The following GM2A variants were observed in gnomAD, a reference collection of about 807,000 sequenced individuals.
GM2A encodes the protein ganglioside GM2 activator.
In GM2A, 7 loss-of-function variants were observed where a neutral mutation model predicts 12.9. That is an observed-to-expected ratio of 0.54 (90% CI 0.31 to 1.02). GM2A has a LOEUF of 1.02. GM2A is among the 50% of genes least tolerant of loss of function. The pLI, the probability that GM2A is intolerant of heterozygous loss-of-function variation, is 0.05. For missense variants in GM2A, 246 were observed against 241.0 expected, an observed-to-expected ratio of 1.02 and a Z score of -0.14; for synonymous variants, 101 against 96.0, an observed-to-expected ratio of 1.05 and a Z score of -0.30.
At position 151,270,094 on chromosome 5, in the gene GM2A, G is replaced by A. The variant is rs114108271; in HGVS notation, c.*2643G>A. 3.2e-5 allele frequency: 39 copies of A among 1,231,100 alleles called. No individual in the cohort carries two copies. The highest frequency in any genetic ancestry group is 3.1e-4 in the Middle Eastern group (1 of 3,208). 76.3% of individuals were successfully genotyped at this position (1,231,100 alleles called of 1,614,324 possible). On this transcript the variant is annotated 3_prime_UTR_variant, in exon 4 of 4. Coordinates refer to ENST00000357164, the MANE Select transcript of GM2A (RefSeq NM_000405.5). ...GCTCTGCTCTTGGGTCATATGTTCC[G>A]TGAGGTTTCTTAGGGGTGGGGGATG...
intron 2 of GM2A, 22 bp from the exon 3 acceptor site, chr5:151,266,709 T>G: frequency 4.4e-6 from 7 of 1,599,074 alleles, no homozygotes; most frequent in Non-Finnish European, 6.0e-6. Context: ...TTTCAAACCT[T>G]TGTTTTATTT....
At position 151,269,804 on chromosome 5, in the gene GM2A, G is replaced by T. The variant is rs532444060; in HGVS notation, c.*2353G>T. The T allele has an allele frequency of 3.5e-5, 7 of 200,946 alleles. No homozygotes were observed. In the South Asian group the frequency reaches 1.3e-3, roughly 36 times the overall value. The allele number at this position is 200,946 out of a possible 1,614,324, so 12.4% of individuals were successfully genotyped here. On this transcript the variant is annotated 3_prime_UTR_variant, in exon 4 of 4. Coordinates refer to ENST00000357164, the MANE Select transcript of GM2A (RefSeq NM_000405.5). ...GGAAAAATCCACCGTGGTACATTCA[G>T]TCCTCTCACCGAGGTGCCCCATGGC...
At position 151,270,094 on chromosome 5, in the gene GM2A, G is replaced by T. The variant is rs114108271; in HGVS notation, c.*2643G>T. On this transcript the variant is annotated 3_prime_UTR_variant, in exon 4 of 4. Transcript: ENST00000357164. ...GCTCTGCTCTTGGGTCATATGTTCC[G>T]TGAGGTTTCTTAGGGGTGGGGGATG... The T allele has an allele frequency of 0.022, 27,611 of 1,231,030 alleles. 370 individuals carry two copies. The highest frequency in any genetic ancestry group is 0.026 in the Non-Finnish European group (25,447 of 987,824). 76.3% of individuals were successfully genotyped at this position (1,231,030 alleles called of 1,614,324 possible).
chr5:151,262,601 T>C (rs1753817066), intron 2 of GM2A, among the ~76,000 whole-genome samples: 1 of 152,218 alleles, frequency 6.6e-6, no homozygotes, highest in Admixed American at 6.5e-5. Context: ...ACCAAGCCTT[T>C]TCCTAGCAGA....
chr5:151,262,819 A>C (rs1489807276), intron 2 of GM2A, among the ~76,000 whole-genome samples: 1 of 152,132 alleles, frequency 6.6e-6, no homozygotes, highest in African/African-American at 2.4e-5. Context: ...CTCTGCTGCC[A>C]TCACCATGCA....
chr5:151,266,529 T>G (rs1489972125), intron 2 of GM2A, among the ~76,000 whole-genome samples: 2 of 152,002 alleles, frequency 1.3e-5, no homozygotes, highest in Non-Finnish European at 2.9e-5. Flanking sequence ...ATGTCTGCCA[T>G]GGGCACAATA....
chr5:151,270,358 G>A lies in GM2A; in HGVS notation c.*2907G>A. The stretch of plus-strand genomic sequence containing the variant: ...AAAATATTGACACATTTGACTACAT[G>A]AAGATAATAAAAATGCTTAGTAAAA... On this transcript the variant is annotated 3_prime_UTR_variant, in exon 4 of 4. Coordinates refer to ENST00000357164, the MANE Select transcript of GM2A (RefSeq NM_000405.5). 1 of 398,792 alleles carries A rather than the reference G, an allele frequency of 2.5e-6. No individual in the cohort carries two copies. The highest frequency in any genetic ancestry group is 4.4e-6 in the Non-Finnish European group (1 of 226,246). 24.7% of individuals were successfully genotyped at this position (398,792 alleles called of 1,614,324 possible).
At position 151,267,547 on chromosome 5, in the gene GM2A, C is replaced by T; in HGVS notation, c.*96C>T. 1.3e-6 allele frequency: 2 copies of T among 1,576,104 alleles called. No homozygotes were observed. Among genetic ancestry groups the T allele is most frequent in the Non-Finnish European group, 1.7e-6 (2 of 1,162,808 alleles). ...GGCCAAACTCCCACTCTCTGCCCCCCTTTAATCCCCTTTCTACAGTGAGTC... is the reference window on the plus strand; with the variant it reads ...GGCCAAACTCCCACTCTCTGCCCCCTTTTAATCCCCTTTCTACAGTGAGTC... On this transcript the variant is annotated 3_prime_UTR_variant, in exon 4 of 4. Transcript: ENST00000357164.
chr5:151,259,057 G>A (rs1187702588), intron 1 of GM2A, among the ~76,000 whole-genome samples: 1 of 152,192 alleles, frequency 6.6e-6, no homozygotes, highest in African/African-American at 2.4e-5. Flanking sequence ...GGAGGAACAG[G>A]AGCAGCTCAG....
chr5:151,269,111 G>A lies in GM2A; in HGVS notation c.*1660G>A. ...GCAGGGGTCCAAGGAAGAGAGGGTG[G>A]CCTCGACATCAAACTGCCTGGATTT... On this transcript the variant is annotated 3_prime_UTR_variant, in exon 4 of 4. Coordinates refer to ENST00000357164, the MANE Select transcript of GM2A (RefSeq NM_000405.5). 1 of 985,478 alleles carries A rather than the reference G, an allele frequency of 1.0e-6. No homozygotes were observed. Among genetic ancestry groups the A allele is most frequent in the Middle Eastern group, 5.2e-4 (1 of 1,914 alleles). The allele number at this position is 985,478 out of a possible 1,614,324, so 61.0% of individuals were successfully genotyped here. A position where few individuals can be genotyped will look rare whatever the true frequency, so the allele number is the denominator to read the frequency against.
chr5:151,256,634 C>T (rs1232929623), intron 1 of GM2A, among the ~76,000 whole-genome samples: 1 of 148,854 alleles, frequency 6.7e-6, no homozygotes, highest in Non-Finnish European at 1.5e-5. Context: ...AGAAAAGTTA[C>T]AGAGATAATA....
chr5:151,259,927 G>A lies in GM2A; in HGVS notation c.243+11G>A. The A allele has an allele frequency of 6.2e-7, 1 of 1,610,686 alleles. No individual in the cohort carries two copies. Among genetic ancestry groups the A allele is most frequent in the Non-Finnish European group, 8.5e-7 (1 of 1,177,118 alleles). On this transcript the variant is annotated intron_variant, in intron 2 of 3. Coordinates refer to ENST00000357164, the MANE Select transcript of GM2A (RefSeq NM_000405.5). ...AGTTCTCCTCTGAAGGTGAGCCTGGGGGTGGGTGGAGAAGGGGAGGTGCGA... is the reference window on the plus strand; with the variant it reads ...AGTTCTCCTCTGAAGGTGAGCCTGGAGGTGGGTGGAGAAGGGGAGGTGCGA...
At chr5:151,267,021 G>A in intron 3 of GM2A, 108 bp downstream of exon 3, 2 of 986,814 alleles carry the variant, frequency 2.0e-6, no homozygotes, top group South Asian at 2.6e-5. Flanking sequence ...CTCTGGATTT[G>A]TAAGCCAGTG....
rs529126687 is a variant in GM2A at position 151,253,279 on chromosome 5, G to T, written c.63G>T (p.Ala21=). 4 of 1,613,378 alleles carry T rather than the reference G, an allele frequency of 2.5e-6. No individual in the cohort carries two copies. In the African/African-American group the frequency reaches 5.3e-5, roughly 22 times the overall value. The part of the protein sequence containing the change: ...IALGLLLAAP[A]QAHLKKPSQL... ...TGGGCTTGCTTCTCGCGGCCCCTGC[G>T]CAAGCCCACCTGAAAAAGGTGAGTG... Residue 21 remains alanine (A), a synonymous_variant, in exon 1 of 4, where the codon GCG becomes GCT. Transcript: ENST00000357164.
In GM2A at chr5:151,266,814, A is replaced by G. The variant is rs752430956; in HGVS notation, c.327A>G (p.Glu109=). ...ACTACATTGGCAGCTGTACCTTTGA[A>G]CACTTCTGTGATGTGCTTGACATGT... ...CTDYIGSCTF[E]HFCDVLDMLI... The change falls in exon 3 of 4, where the codon GAA becomes GAG. Residue 109 remains glutamate (E), a synonymous_variant. Coordinates refer to ENST00000357164, the MANE Select transcript of GM2A (RefSeq NM_000405.5). The G allele has an allele frequency of 1.2e-6, 2 of 1,613,678 alleles. No individual in the cohort carries two copies. Among genetic ancestry groups the G allele is most frequent in the East Asian group, 2.2e-5 (1 of 44,886 alleles).
intron 2 of GM2A, among the ~76,000 whole-genome samples, chr5:151,262,932 A>G (rs1753823259): frequency 1.3e-5 from 2 of 152,214 alleles, no homozygotes; most frequent in South Asian, 4.1e-4. Context: ...GCTTCTTCAC[A>G]AACCATTAAG....
intron 1 of GM2A, among the ~76,000 whole-genome samples, chr5:151,257,626 T>C (rs569301982): frequency 6.6e-6 from 1 of 152,268 alleles, no homozygotes; most frequent in East Asian, 1.9e-4. Flanking sequence ...ACTGCCCCTA[T>C]AGTAAATGCA....
At position 151,267,420 on chromosome 5, in the gene GM2A, T is replaced by A. The variant is rs199774853; in HGVS notation, c.551T>A (p.Ile184Asn). ...LSSSGKRLGC[I>N]KIAASLKGI Reference sequence around the variant, plus strand: ...AGCAGTGGGAAGCGTCTGGGCTGCATCAAGATCGCTGCCTCTCTAAAGGGC... The same window carrying A: ...AGCAGTGGGAAGCGTCTGGGCTGCAACAAGATCGCTGCCTCTCTAAAGGGC... Residue 184 changes from isoleucine to asparagine, a missense_variant, in exon 4 of 4, where the codon ATC (isoleucine) becomes AAC (asparagine). Coordinates refer to ENST00000357164, the MANE Select transcript of GM2A (RefSeq NM_000405.5). The A allele has an allele frequency of 1.9e-6, 3 of 1,614,088 alleles. No individual in the cohort carries two copies. The East Asian group carries it at 6.7e-5, about 36-fold the overall frequency.
chr5:151,269,178 A>G lies in GM2A; in HGVS notation c.*1727A>G. The stretch of plus-strand genomic sequence containing the variant: ...CATCATAACAACTTCTGAAACACAC[A>G]CCAGCCCTGAGTTCTGGGCTCATTT... On this transcript the variant is annotated 3_prime_UTR_variant, in exon 4 of 4. Transcript: ENST00000357164. 1 of 985,432 alleles carries G rather than the reference A, an allele frequency of 1.0e-6. No homozygotes were observed. Among genetic ancestry groups the G allele is most frequent in the Non-Finnish European group, 1.2e-6 (1 of 829,938 alleles). The allele number at this position is 985,432 out of a possible 1,614,324, so 61.0% of individuals were successfully genotyped here. A position where few individuals can be genotyped will look rare whatever the true frequency, so the allele number is the denominator to read the frequency against.
Sources: allele counts gnomAD v4.1 joint callset (sites outside exome capture counted in the v4.1 genomes callset), GRCh38; gene constraint gnomAD v4.1.1; transcripts MANE v1.5; gene names NCBI Gene and HGNC (gene_info 2026-07-23, HGNC 2026-07-21).